Variants in LYST observed in about 807,000 individuals in gnomAD.
LYST encodes lysosomal-trafficking regulator.
LYST carries 192 observed loss-of-function variants against 413.6 expected under a neutral mutation model. The observed-to-expected ratio is 0.46, with a 90% CI of 0.41 to 0.52. The LOEUF (loss-of-function observed/expected upper bound fraction) is 0.52, where lower values mean the gene tolerates loss of function less well. Among genes scored for constraint, LYST ranks in the 20% least tolerant of loss-of-function variants. LYST has a pLI of 0.00. For missense variants in LYST, 3,815 were observed against 4,499.9 expected, an observed-to-expected ratio of 0.85 and a Z score of 4.35; for synonymous variants, 1,525 against 1,567.3, an observed-to-expected ratio of 0.97 and a Z score of 0.64.
chr1:235,666,475 G>C (rs902333937), intron 50 of LYST, among the ~76,000 whole-genome samples: 4 of 151,874 alleles, frequency 2.6e-5, no homozygotes, highest in African/African-American at 9.7e-5. Context: ...GGAGGAATGG[G>C]GAAATAGTGG....
At chr1:235,828,621 T>C in intron 3 of LYST, 1 of 278,444 alleles carries the variant, frequency 3.6e-6, no homozygotes, top group Non-Finnish European at 5.4e-6. Context: ...TAGAATTCCA[T>C]GCAGAAGTAC....
chr1:235,766,086 C>T lies in LYST; in HGVS notation c.6114G>A (p.Leu2038=). The T allele has an allele frequency of 6.2e-7, 1 of 1,611,546 alleles. No individual in the cohort carries two copies. Among genetic ancestry groups the T allele is most frequent in the Non-Finnish European group, 8.5e-7 (1 of 1,177,826 alleles). Residue 2038 remains leucine, a synonymous_variant, in exon 21 of 53, where the codon TTG becomes TTA. Transcript: ENST00000389793. ...CHNPTNFYFS[L]HIDGKIFQEK... Reference sequence around the variant, plus strand: ...AAAAATGATTATACCTACCTATGTGCAAAGAAAAGTAGAAGTTCGTGGGAT... The same window carrying T: ...AAAAATGATTATACCTACCTATGTGTAAAGAAAAGTAGAAGTTCGTGGGAT...
chr1:235,671,152 G>T (rs929610577), intron 50 of LYST, among the ~76,000 whole-genome samples: 5 of 152,154 alleles, frequency 3.3e-5, no homozygotes, highest in Admixed American at 1.3e-4. Context: ...TGGCCAAGCT[G>T]GTCTCAAACT....
chr1:235,670,515 G>A (rs545971466), intron 50 of LYST, among the ~76,000 whole-genome samples: 9 of 152,260 alleles, frequency 5.9e-5, no homozygotes, highest in African/African-American at 1.9e-4. Flanking sequence ...GTGAGGAGAC[G>A]TGTCTCACTG....
intron 16 of LYST, 133 bp downstream of exon 16, chr1:235,780,731 AC>A (rs1558234360): frequency 2.4e-6 from 1 of 415,728 alleles, no homozygotes; most frequent in Non-Finnish European, 4.2e-6. Flanking sequence ...TCAGAAAAAA[AC>A]ATAATTCTAA....
intron 27 of LYST, 117 bp downstream of exon 27, chr1:235,751,888 C>A: frequency 2.5e-6 from 2 of 808,350 alleles, no homozygotes; most frequent in Non-Finnish European, 1.9e-6. Flanking sequence ...GATACTATTA[C>A]AAAATTAATG....
intron 40 of LYST, among the ~76,000 whole-genome samples, chr1:235,717,097 T>C (rs995590364): frequency 1.3e-5 from 2 of 152,198 alleles, no homozygotes; most frequent in Non-Finnish European, 2.9e-5. Flanking sequence ...ATGTTGCTCG[T>C]GGGAGCAGAT....
intron 34 of LYST, among the ~76,000 whole-genome samples, chr1:235,731,393 GC>G (rs1226090228): frequency 2.6e-5 from 4 of 152,022 alleles, no homozygotes; most frequent in Non-Finnish European, 5.9e-5. Context: ...CCAGTTCCTC[GC>G]CTGAAGGCAA....
chr1:235,847,391 A>C (rs1291002006), intron 1 of LYST, among the ~76,000 whole-genome samples: 2 of 152,220 alleles, frequency 1.3e-5, no homozygotes, highest in Non-Finnish European at 2.9e-5. Context: ...CAAGTCTTGA[A>C]ACAAATCCTG....
At chr1:235,840,074 T>C (rs965878602) in intron 1 of LYST, 6 of 152,212 alleles carry the variant, frequency 3.9e-5, no homozygotes, top group African/African-American at 1.4e-4. Flanking sequence ...TTCCTCTTCC[T>C]GCTTATTAGT....
At chr1:235,682,289 T>A (rs1397643686) in intron 48 of LYST, among the ~76,000 whole-genome samples, 1 of 152,142 alleles carries the variant, frequency 6.6e-6, no homozygotes, top group African/African-American at 2.4e-5. Flanking sequence ...TGTGCCACTG[T>A]ACTCCAGCAT....
intron 24 of LYST, 128 bp downstream of exon 24, chr1:235,757,153 T>C (rs1667121960): frequency 3.1e-6 from 2 of 638,842 alleles, no homozygotes; most frequent in African/African-American, 3.7e-5. Context: ...TAACAAACTA[T>C]ATTAGTTCAT....
intron 3 of LYST, chr1:235,827,753 G>T: frequency 1.0e-6 from 1 of 954,558 alleles, no homozygotes; most frequent in Non-Finnish European, 1.2e-6. Flanking sequence ...TACCACCACA[G>T]GAAAAAAATA....
chr1:235,691,427 A>G (rs1394842585), intron 47 of LYST, among the ~76,000 whole-genome samples: 2 of 152,234 alleles, frequency 1.3e-5, no homozygotes, highest in African/African-American at 4.8e-5. Flanking sequence ...TGTTCTTTCT[A>G]CTATACATGA....
chr1:235,796,956 T>A (rs1018777483), intron 10 of LYST, among the ~76,000 whole-genome samples: 3 of 152,118 alleles, frequency 2.0e-5, no homozygotes, highest in African/African-American at 7.2e-5. Flanking sequence ...AGGATAGATA[T>A]AATTAAAAAG....
chr1:235,699,906 T>A (rs1256491099), intron 45 of LYST, among the ~76,000 whole-genome samples: 2 of 152,124 alleles, frequency 1.3e-5, no homozygotes, highest in Non-Finnish European at 2.9e-5. Flanking sequence ...ACCAATGGAA[T>A]AGAACAGAGA....
intron 31 of LYST, chr1:235,734,920 T>C (rs910406038): frequency 3.7e-6 from 1 of 270,596 alleles, no homozygotes. Flanking sequence ...AATTTAGAGG[T>C]AAAATATCAT....
At chr1:235,746,614 G>T in intron 28 of LYST, 87 bp from the exon 29 acceptor site, 1 of 983,690 alleles carries the variant, frequency 1.0e-6, no homozygotes, top group Non-Finnish European at 1.6e-6. Flanking sequence ...TTGATTACCA[G>T]ACCATGAAAA....
At position 235,806,750 on chromosome 1, in the gene LYST, T is replaced by G. The variant is rs1339185591; in HGVS notation, c.2386A>C (p.Ser796Arg). Residue 796 changes from serine (S) to arginine (R), a missense_variant, in exon 6 of 53, where the codon AGT becomes CGT. Ser to Arg is a moderately radical substitution (Grantham distance 110). This residue lies in a region of LYST where 1,648 missense variants were observed against 1,810.3 expected (regional missense o/e 0.91). Transcript: ENST00000389793. ...KSRVIRDLFL[S>R]CNGVSQIIEL... ...ATTATTTGACTTACTCCATTACAAC[T>G]CAAAAACAAATCTCTTATTACCCTG... 6.2e-7 allele frequency: 1 copy of G among 1,611,604 alleles called. No individual in the cohort carries two copies. The highest frequency in any genetic ancestry group is 8.5e-7 in the Non-Finnish European group (1 of 1,178,118).
Sources: allele counts gnomAD v4.1 joint callset (sites outside exome capture counted in the v4.1 genomes callset), GRCh38; gene constraint gnomAD v4.1.1; regional missense constraint gnomAD v4.1.1; transcripts MANE v1.5; gene names NCBI Gene and HGNC (gene_info 2026-07-23, HGNC 2026-07-21).